The following ATP10B variants were observed in gnomAD, a reference collection of about 807,000 sequenced individuals.
The protein encoded by ATP10B is ATPase phospholipid transporting 10B (putative).
In ATP10B, 122 loss-of-function variants were observed where a neutral mutation model predicts 141.2. The observed-to-expected ratio is 0.86, with a 90% CI of 0.75 to 1.00. The LOEUF (loss-of-function observed/expected upper bound fraction) is 1.00. Ranked by LOEUF, ATP10B falls within the 50% of genes least tolerant of loss-of-function variation. The probability of loss-of-function intolerance (pLI) is 0.00; values close to 1 mark genes in which losing one functional copy is unlikely to be tolerated. For missense variants in ATP10B, 1,876 were observed against 1,825.3 expected (o/e 1.03, Z -0.51); for synonymous variants, 685 against 692.0 (o/e 0.99, Z 0.16).
At chr5:160,736,695 G>A (rs183390103) in intron 2 of ATP10B, among the ~76,000 whole-genome samples, 2 of 152,306 alleles carry the variant, frequency 1.3e-5, no homozygotes, top group African/African-American at 2.4e-5. Flanking sequence ...GGGGGGCAGA[G>A]GTTGCAGTGA....
At chr5:160,658,850 C>G (rs1761691314) in intron 7 of ATP10B, among the ~76,000 whole-genome samples, 1 of 152,176 alleles carries the variant, frequency 6.6e-6, no homozygotes, top group Admixed American at 6.5e-5. Context: ...CCACATGAAC[C>G]TGAGGTCCAA....
At chr5:160,920,550 G>T in the ATP10B span, among the ~76,000 whole-genome samples, 1 of 152,332 alleles carries the variant, frequency 6.6e-6, no homozygotes, top group East Asian at 1.9e-4. Flanking sequence ...ATTGAGAATT[G>T]AATCACATAG....
the ATP10B span, among the ~76,000 whole-genome samples, chr5:160,873,732 G>C: frequency 6.6e-6 from 1 of 152,362 alleles, no homozygotes; most frequent in East Asian, 1.9e-4. Flanking sequence ...GAAGTGCAAG[G>C]GGTCAGGGAG....
the ATP10B span, among the ~76,000 whole-genome samples, chr5:160,928,978 G>A: frequency 1.3e-5 from 2 of 152,210 alleles, no homozygotes; most frequent in Non-Finnish European, 2.9e-5. Context: ...TCATAACACA[G>A]TCACCTGTAT....
At chr5:160,827,862 C>A (rs557032403) in intron 1 of ATP10B, among the ~76,000 whole-genome samples, 1 of 152,140 alleles carries the variant, frequency 6.6e-6, no homozygotes, top group East Asian at 1.9e-4. Flanking sequence ...TTCCCCATTG[C>A]TTGTTCTTCT....
At chr5:160,820,893 A>G (rs2127961535) in intron 1 of ATP10B, among the ~76,000 whole-genome samples, 1 of 152,260 alleles carries the variant, frequency 6.6e-6, no homozygotes, top group East Asian at 1.9e-4. Flanking sequence ...AACATACCTC[A>G]ACATAATAAA....
chr5:160,873,249 C>T, the ATP10B span, among the ~76,000 whole-genome samples: 7 of 151,920 alleles, frequency 4.6e-5, no homozygotes, highest in African/African-American at 1.4e-4. Flanking sequence ...AGAACTTCCT[C>T]AACTTGATGA....
chr5:160,654,796 C>G (rs1475851104), intron 7 of ATP10B, among the ~76,000 whole-genome samples: 1 of 152,174 alleles, frequency 6.6e-6, no homozygotes, highest in African/African-American at 2.4e-5. Flanking sequence ...TAAGAATCAA[C>G]TAAGTATTTT....
At chr5:160,620,170 GA>G (rs1157386806) in intron 15 of ATP10B, among the ~76,000 whole-genome samples, 176 bp downstream of exon 15, 1 of 152,336 alleles carries the variant, frequency 6.6e-6, no homozygotes, top group East Asian at 1.9e-4. Flanking sequence ...AGGTCCAGGA[GA>G]TGTAAAATGC....
rs1302996838 is a variant in ATP10B, at chr5:160,596,370, T to C, written c.3564+2400A>G. 2.7e-5 allele frequency among the ~76,000 whole-genome samples: 4 copies of C among 150,810 alleles called. No individual in the cohort carries two copies. The East Asian group carries it at 7.8e-4, about 29-fold the overall frequency. ...CTTCATGCTAAAAACTCTCAATAAATTAGGTATTGATGGGACGTATTTCAA... is the reference window on the plus strand; with the variant it reads ...CTTCATGCTAAAAACTCTCAATAAACTAGGTATTGATGGGACGTATTTCAA... On this transcript the variant is annotated intron_variant, in intron 22 of 25. Coordinates refer to ENST00000327245, the MANE Select transcript of ATP10B (RefSeq NM_025153.3).
At position 160,843,260 on chromosome 5, in the gene ATP10B, C is replaced by T. The variant is rs1252895528; in HGVS notation, c.-576+8681G>A. Among the ~76,000 whole-genome samples, 3 of 152,068 alleles carry T rather than the reference C, an allele frequency of 2.0e-5. No homozygotes were observed. In the East Asian group the frequency reaches 5.8e-4, roughly 29 times the overall value. On this transcript the variant is annotated intron_variant, in intron 1 of 25. Transcript: ENST00000327245. ...AAGTAGCTATGTGTATATGTGGGAA[C>T]TGGTAAGGGTTAAAGTGAGTTGGGG...
intron 2 of ATP10B, among the ~76,000 whole-genome samples, chr5:160,746,975 T>C (rs547982544): frequency 6.6e-6 from 1 of 152,338 alleles, no homozygotes; most frequent in Non-Finnish European, 1.5e-5. Flanking sequence ...CAGATGGTCT[T>C]AGTTTGTTGT....
At chr5:160,601,109 C>G (rs1230880908) in intron 21 of ATP10B, among the ~76,000 whole-genome samples, 1 of 152,182 alleles carries the variant, frequency 6.6e-6, no homozygotes, top group African/African-American at 2.4e-5. Context: ...CTTTCACTCT[C>G]AAAGTGAGTT....
At chr5:160,614,072 C>T (rs1757870054) in intron 17 of ATP10B, 1 of 151,828 alleles carries the variant, frequency 6.6e-6, no homozygotes, top group Non-Finnish European at 1.5e-5. Context: ...CTCTTCTCAG[C>T]CCAGTCCTCT....
chr5:160,802,088 T>C (rs1772411272), intron 1 of ATP10B, among the ~76,000 whole-genome samples: 1 of 152,184 alleles, frequency 6.6e-6, no homozygotes, highest in Admixed American at 6.6e-5. Context: ...TTGAAGGGAT[T>C]TCTGCGACAA....
chr5:160,873,341 A>G, the ATP10B span, among the ~76,000 whole-genome samples: 1 of 152,192 alleles, frequency 6.6e-6, no homozygotes, highest in African/African-American at 2.4e-5. Flanking sequence ...GAACAAGGCA[A>G]GGTTATTCCA....
intron 13 of ATP10B, among the ~76,000 whole-genome samples, chr5:160,629,942 G>A (rs559467295): frequency 4.7e-4 from 72 of 152,292 alleles, no homozygotes; most frequent in African/African-American, 1.7e-3. Context: ...GTATTTTCAG[G>A]TGGTGAAAGA....
At chr5:160,898,933 G>A in the ATP10B span, among the ~76,000 whole-genome samples, 2 of 151,620 alleles carry the variant, frequency 1.3e-5, no homozygotes, top group East Asian at 1.9e-4. Flanking sequence ...CTCATAAGTG[G>A]GGTTGAACAA....
chr5:160,797,752 C>G (rs79474397), intron 1 of ATP10B, among the ~76,000 whole-genome samples: 10 of 120,368 alleles, frequency 8.3e-5, no homozygotes, highest in African/African-American at 2.8e-4. Context: ...CACAAACACA[C>G]AGAGAGAGAG....
Sources: allele counts gnomAD v4.1 joint callset (sites outside exome capture counted in the v4.1 genomes callset), GRCh38; gene constraint gnomAD v4.1.1; transcripts MANE v1.5; gene names NCBI Gene and HGNC (gene_info 2026-07-23, HGNC 2026-07-21).